Variants in UTS2 observed in about 807,000 individuals in gnomAD.
UTS2 encodes urotensin-2.
In UTS2, 10 loss-of-function variants were observed where a neutral mutation model predicts 12.6. The observed-to-expected ratio is 0.80, with a 90% confidence interval of 0.49 to 1.35. The LOEUF (loss-of-function observed/expected upper bound fraction) is 1.35, where lower values mean the gene tolerates loss of function less well. Ranked by LOEUF, UTS2 falls within the 40% of genes most tolerant of loss-of-function variation. The pLI is 0.00. For missense variants in UTS2, 142 were observed against 143.2 expected (o/e 0.99, Z 0.04); for synonymous variants, 52 against 50.0 (o/e 1.04, Z -0.17).
the UTS2 span, among the ~76,000 whole-genome samples, chr1:7,884,979 TTCATCCATCCATCCAC>T: frequency 8.8e-4 from 127 of 145,138 alleles, no homozygotes; most frequent in African/African-American, 2.9e-3. Flanking sequence ...CATCCACGCA[TTCATCCATCCATCCAC>T]TCATCCATCC....
At chr1:7,873,260 A>G in the UTS2 span, among the ~76,000 whole-genome samples, 6 of 152,330 alleles carry the variant, frequency 3.9e-5, no homozygotes, top group South Asian at 4.1e-4. Context: ...CACAACATCC[A>G]CTCTGATGCT....
chr1:7,849,679 T>G lies in UTS2; in HGVS notation c.219A>C (p.Ser73=), dbSNP rs2097411878. 1 of 1,609,436 alleles carries G rather than the reference T, an allele frequency of 6.2e-7. No individual in the cohort carries two copies. Among genetic ancestry groups the G allele is most frequent in the African/African-American group, 1.3e-5 (1 of 74,822 alleles). The stretch of plus-strand genomic sequence containing the variant: ...CTCTTGGGTTAAAAATGTTGGTACT[T>G]GAGTCTGAAAAACAGTTTTGAAGCC... The part of the protein sequence containing the change: ...ERGDILRKAD[S]STNIFNPRGN... Residue 73 remains serine (S), a synonymous_variant, in exon 3 of 4, where the codon TCA becomes TCC. Transcript: ENST00000361696.
At chr1:7,870,807 T>C in the UTS2 span, among the ~76,000 whole-genome samples, 1 of 152,342 alleles carries the variant, frequency 6.6e-6, no homozygotes, top group African/African-American at 2.4e-5. Context: ...ATTGTCAACA[T>C]TCTCTAGCCA....
the UTS2 span, among the ~76,000 whole-genome samples, chr1:7,862,026 C>G: frequency 4.6e-5 from 7 of 151,836 alleles, no homozygotes; most frequent in African/African-American, 1.7e-4. Context: ...GATTCTCCTG[C>G]CTCAGTCTCC....
chr1:7,871,698 T>G, the UTS2 span, among the ~76,000 whole-genome samples: 4 of 152,184 alleles, frequency 2.6e-5, no homozygotes, highest in Non-Finnish European at 4.4e-5. Context: ...TCTCACAATA[T>G]TTCAAACTCT....
chr1:7,861,695 C>T, the UTS2 span, among the ~76,000 whole-genome samples: 4 of 152,138 alleles, frequency 2.6e-5, no homozygotes, highest in African/African-American at 9.7e-5. Context: ...CCACCACTGC[C>T]CCGTCCCTCA....
chr1:7,888,659 C>T, the UTS2 span, among the ~76,000 whole-genome samples: 1 of 152,204 alleles, frequency 6.6e-6, no homozygotes, highest in Non-Finnish European at 1.5e-5. Context: ...ATTCTGTGCT[C>T]CTACTTCGTC....
the UTS2 span, among the ~76,000 whole-genome samples, chr1:7,896,710 TTTTA>T: frequency 1.3e-5 from 2 of 152,078 alleles, no homozygotes; most frequent in African/African-American, 4.8e-5. Context: ...AGCTTTTTTT[TTTTA>T]AGACAGAGTC....
the UTS2 span, among the ~76,000 whole-genome samples, chr1:7,904,050 T>C: frequency 6.6e-6 from 1 of 152,150 alleles, no homozygotes; most frequent in Non-Finnish European, 1.5e-5. Context: ...ATTTTAGAAA[T>C]TTAGATCTTA....
At chr1:7,901,432 A>G in the UTS2 span, among the ~76,000 whole-genome samples, 3 of 152,196 alleles carry the variant, frequency 2.0e-5, no homozygotes, top group Non-Finnish European at 1.5e-5. Context: ...GAGCTGCTTT[A>G]TGGAGGAAAA....
chr1:7,861,744 G>A, the UTS2 span, among the ~76,000 whole-genome samples: 3 of 152,078 alleles, frequency 2.0e-5, no homozygotes, highest in Non-Finnish European at 4.4e-5. Context: ...AGGCGGAAAC[G>A]AGCAGGTCCC....
At chr1:7,871,966 A>G in the UTS2 span, among the ~76,000 whole-genome samples, 1 of 152,176 alleles carries the variant, frequency 6.6e-6, no homozygotes, top group Non-Finnish European at 1.5e-5. Flanking sequence ...TTCAACTGAA[A>G]GGCAGAGTCA....
At chr1:7,875,034 C>T in the UTS2 span, among the ~76,000 whole-genome samples, 17 of 150,466 alleles carry the variant, frequency 1.1e-4, no homozygotes, top group South Asian at 3.0e-3. Flanking sequence ...TGCCCAGTCT[C>T]GGGTATTTCT....
chr1:7,881,596 G>T, the UTS2 span, among the ~76,000 whole-genome samples: 1 of 151,942 alleles, frequency 6.6e-6, no homozygotes, highest in Non-Finnish European at 1.5e-5. Context: ...ACCTCTACAA[G>T]GAAAACTACA....
chr1:7,893,175 C>T, the UTS2 span, among the ~76,000 whole-genome samples: 1 of 152,160 alleles, frequency 6.6e-6, no homozygotes, highest in African/African-American at 2.4e-5. Flanking sequence ...CAAGATTTTG[C>T]AATCCTTGAA....
intron 2 of UTS2, 103 bp from the exon 3 acceptor site, chr1:7,849,786 G>T: frequency 1.9e-6 from 2 of 1,057,608 alleles, no homozygotes; most frequent in Non-Finnish European, 2.7e-6. Flanking sequence ...CTAGTTTCTG[G>T]TCTTTTTCCA....
chr1:7,902,724 GCCT>G, the UTS2 span, among the ~76,000 whole-genome samples: 5 of 152,192 alleles, frequency 3.3e-5, no homozygotes, highest in East Asian at 5.8e-4. Flanking sequence ...CCCGGCCAGC[GCCT>G]CCTATTTCCT....
chr1:7,867,798 C>T, the UTS2 span, among the ~76,000 whole-genome samples: 1 of 152,094 alleles, frequency 6.6e-6, no homozygotes, highest in African/African-American at 2.4e-5. Context: ...ATCGCTTGAA[C>T]CCGGGAGGTG....
the UTS2 span, among the ~76,000 whole-genome samples, chr1:7,878,274 A>G: frequency 0.64 from 97,055 of 152,064 alleles, 31,194 homozygotes; most frequent in East Asian, 0.74. Flanking sequence ...CCTACAAGAA[A>G]TCCTTATGGG....
Sources: allele counts gnomAD v4.1 joint callset (sites outside exome capture counted in the v4.1 genomes callset), GRCh38; gene constraint gnomAD v4.1.1; transcripts MANE v1.5; gene names NCBI Gene and HGNC (gene_info 2026-07-23, HGNC 2026-07-21).